FBRS: variants seen among roughly 807,000 people sequenced by gnomAD.
The protein encoded by FBRS is probable fibrosin-1.
A neutral mutation model predicts 86.1 loss-of-function variants in FBRS; 15 were observed. That is an observed-to-expected ratio of 0.17 (90% confidence interval 0.12 to 0.27). The LOEUF (loss-of-function observed/expected upper bound fraction) is 0.27. Ranked by LOEUF, FBRS falls within the 10% of genes least tolerant of loss-of-function variation. FBRS has a pLI of 1.00. For synonymous variants in FBRS, 666 were observed against 575.8 expected (o/e 1.16, Z -2.24); for missense variants, 1,367 against 1,301.6 (o/e 1.05, Z -0.77).
In FBRS at chr16:30,664,396, C is replaced by CGGG; in HGVS notation, c.1239_1240insGGG (p.Arg413_Pro414insGly). On this transcript the variant is annotated inframe_insertion, in exon 7 of 18. Coordinates refer to ENST00000356166, the MANE Select transcript of FBRS (RefSeq NM_001105079.3). ...CCACAGCTTTCCCCCTCCCGGGCTG[C>CGGG]GGCCCCCCCCACCACCCCACCACCC... 1.3e-5 allele frequency: 18 copies of CGGG among 1,430,942 alleles called. No homozygotes were observed. Among genetic ancestry groups the CGGG allele is most frequent in the Non-Finnish European group, 1.7e-5 (18 of 1,064,738 alleles). 88.6% of individuals were successfully genotyped at this position (1,430,942 alleles called of 1,614,324 possible).
chr16:30,669,542 A>G lies in FBRS; in HGVS notation c.2840A>G (p.Lys947Arg). The G allele has an allele frequency of 7.4e-6, 12 of 1,612,890 alleles. No homozygotes were observed. Among genetic ancestry groups the G allele is most frequent in the Non-Finnish European group, 1.0e-5 (12 of 1,179,786 alleles). The change falls in exon 18 of 18, where the codon AAG becomes AGG. Residue 947 changes from lysine (K) to arginine (R), a missense_variant. Physicochemically the swap from Lys to Arg is conservative, Grantham distance 26 (BLOSUM62 2). Coordinates refer to ENST00000356166, the MANE Select transcript of FBRS (RefSeq NM_001105079.3). The surrounding 1 kb of genome is among the most constrained non-coding windows in gnomAD (Gnocchi z 5.9). ...CCGGGAACCCCTCACCTTCTCAGCAAGACCCCACCGGGAGCCCTTTTGGGG... is the reference window on the plus strand; with the variant it reads ...CCGGGAACCCCTCACCTTCTCAGCAGGACCCCACCGGGAGCCCTTTTGGGG... ...AAPGTPHLLS[K>R]TPPGALLGAP... is the part of the protein sequence containing the mutation.
intron 12 of FBRS, 118 bp from the exon 13 acceptor site, chr16:30,666,801 A>G (rs2052527171): frequency 5.0e-6 from 6 of 1,208,988 alleles, no homozygotes; most frequent in Non-Finnish European, 1.2e-6. Context: ...CCTTGGTTGT[A>G]GGAATGATGA....
At position 30,669,626 on chromosome 16, in the gene FBRS, C is replaced by T. The variant is rs764496531; in HGVS notation, c.2924C>T (p.Pro975Leu). The T allele has an allele frequency of 5.6e-6, 9 of 1,601,946 alleles. No individual in the cohort carries two copies. The highest frequency in any genetic ancestry group is 7.7e-6 in the Non-Finnish European group (9 of 1,176,062). Residue 975 changes from proline to leucine, a missense_variant, in exon 18 of 18, where the codon CCA (proline) becomes CTA (leucine). By Grantham distance (98) the Pro-to-Leu change is moderately conservative (BLOSUM62 -3). Around this residue, in one of 3 missense-constraint regions of FBRS, gnomAD observed 659 missense variants for 678.8 expected, o/e 0.97. Transcript: ENST00000356166. The surrounding 1 kb of genome is among the most constrained non-coding windows in gnomAD (Gnocchi z 5.9). ...AGTTCCCCACCTAGGGGCCCTGGCC[C>T]AGCTCGGGCTGACAGGTGAGGGGAA... ...RPSSPPRGPG[P>L]ARADR is the part of the protein sequence containing the mutation.
rs574455309 is a variant in FBRS, at chr16:30,667,745, G to C, written c.2074+123G>C. On this transcript the variant is annotated intron_variant, in intron 15 of 17. Transcript: ENST00000356166. ...TGGTTCCACTTGCTTAGTGACCTTG[G>C]GCAGGTTACTCTACCCCCTCTGAGC... 9 of 845,764 alleles carry C rather than the reference G, an allele frequency of 1.1e-5. No individual in the cohort carries two copies. In the African/African-American group the frequency reaches 1.4e-4, roughly 13 times the overall value. The allele number at this position is 845,764 out of a possible 1,614,324, so 52.4% of individuals were successfully genotyped here.
Position 30,665,264 on chromosome 16 carries a change from C to T in FBRS, c.1609-42C>T, listed in dbSNP as rs145246548. The T allele has an allele frequency of 2.2e-5, 34 of 1,537,452 alleles. No homozygotes were observed. The highest frequency in any genetic ancestry group is 7.3e-5 in the East Asian group (3 of 40,958). ...TGACGGGCAGGCTGGACTTGGGCTG[C>T]GCCTCCACCCCCACCTGTACTAGTC... On this transcript the variant is annotated intron_variant, in intron 9 of 17. Transcript: ENST00000356166. This position sits in a 1 kb window ranked among gnomAD's most constrained non-coding sequence, Gnocchi z 4.1.
chr16:30,666,216 A>G (rs1001867562), intron 11 of FBRS: 3 of 573,344 alleles, frequency 5.2e-6, no homozygotes, highest in Non-Finnish European at 9.3e-6. Context: ...AGACCGCTAT[A>G]CTCTAAAGTT....
intron 6 of FBRS, 113 bp downstream of exon 6, chr16:30,662,972 A>C (rs1157005446): frequency 2.0e-5 from 27 of 1,324,750 alleles, no homozygotes; most frequent in Non-Finnish European, 2.5e-5. Flanking sequence ...GAGACTGAAA[A>C]GTTTGAGAAA....
At position 30,664,263 on chromosome 16, in the gene FBRS, TC is replaced by T; in HGVS notation, c.1110del (p.Ser371HisfsTer86). 4.5e-6 allele frequency: 5 copies of T among 1,105,060 alleles called. No homozygotes were observed. The highest frequency in any genetic ancestry group is 3.0e-5 in the South Asian group (1 of 33,570). The allele number at this position is 1,105,060 out of a possible 1,614,324, so 68.5% of individuals were successfully genotyped here. ...CCCCGGCCCCTCCCGTGGCTCAGCCTCCCCCCTCATCATCCTCTTCGTCCTC... is the reference window on the plus strand; with the variant it reads ...CCCCGGCCCCTCCCGTGGCTCAGCCTCCCCCTCATCATCCTCTTCGTCCTC... ...KAPAPPVAQPPPSSSSSSSSS... is the reference protein window; with the variant it reads ...KAPAPPVAQPXPSSSSSSSSS... On this transcript the variant is annotated frameshift_variant, in exon 7 of 18. Coordinates refer to ENST00000356166, the MANE Select transcript of FBRS (RefSeq NM_001105079.3). LOFTEE classifies it high-confidence loss of function.
At chr16:30,668,409 C>T (rs2052546703) in intron 15 of FBRS, 151 bp from the exon 16 acceptor site, 1 of 676,786 alleles carries the variant, frequency 1.5e-6, no homozygotes, top group African/African-American at 1.8e-5. Flanking sequence ...AAGCTCAACA[C>T]CTTCCTGGCC....
intron 3 of FBRS, 27 bp downstream of exon 3, chr16:30,661,242 C>G: frequency 6.4e-7 from 1 of 1,550,856 alleles, no homozygotes; most frequent in South Asian, 1.2e-5. Flanking sequence ...TGTCCTGGCC[C>G]CTCCCTGCTC....
chr16:30,665,341 G>A lies in FBRS; in HGVS notation c.1644G>A (p.Leu548=). 1.3e-6 allele frequency: 2 copies of A among 1,565,976 alleles called. No individual in the cohort carries two copies. Among genetic ancestry groups the A allele is most frequent in the Non-Finnish European group, 1.7e-6 (2 of 1,156,366 alleles). ...CCTTCCCTCCCGCAGTGCCCGGGCT[G>A]CCTCCGGGCCTCCCGCCGGCCGTCT... ...YTAFPPAVPG[L]PPGLPPAVSF... Residue 548 remains leucine (L), a synonymous_variant, in exon 10 of 18, where the codon CTG becomes CTA. Coordinates refer to ENST00000356166, the MANE Select transcript of FBRS (RefSeq NM_001105079.3). The surrounding 1 kb of genome is among the most constrained non-coding windows in gnomAD (Gnocchi z 4.1).
intron 12 of FBRS, 143 bp from the exon 13 acceptor site, chr16:30,666,776 A>G: frequency 8.9e-7 from 1 of 1,124,184 alleles, no homozygotes; most frequent in East Asian, 2.6e-5. Flanking sequence ...AGGCTGTAAA[A>G]TGAACCTAGT....
chr16:30,665,065 C>T lies in FBRS; in HGVS notation c.1594C>T (p.Leu532Phe). ...FEKYPGKMEG[L>F]FRHNPYTAFP... The stretch of plus-strand genomic sequence containing the variant: ...GAAATATCCAGGAAAGATGGAAGGC[C>T]TTTTCCGACATAATGTGAGTGTGTG... Residue 532 changes from leucine (L) to phenylalanine (F), a missense_variant, in exon 9 of 18, where the codon CTT (leucine) becomes TTT (phenylalanine). This residue lies in a region of FBRS where 659 missense variants were observed against 678.8 expected (regional missense o/e 0.97). Transcript: ENST00000356166. This position sits in a 1 kb window ranked among gnomAD's most constrained non-coding sequence, Gnocchi z 4.1. The T allele has an allele frequency of 6.2e-7, 1 of 1,613,556 alleles. No homozygotes were observed. The highest frequency in any genetic ancestry group is 8.5e-7 in the Non-Finnish European group (1 of 1,179,814).
At position 30,658,972 on chromosome 16, in the gene FBRS, G is replaced by A. The variant is rs1403253535; in HGVS notation, c.-547G>A. On this transcript the variant is annotated 5_prime_UTR_variant, in exon 1 of 18. Transcript: ENST00000356166. Reference sequence around the variant, plus strand: ...AAAGGGGAAGTGGCCGCTTGTGGAGGACTAGAAACTAACTCCGAGCCCTTA... The same window carrying A: ...AAAGGGGAAGTGGCCGCTTGTGGAGAACTAGAAACTAACTCCGAGCCCTTA... 6.6e-6 allele frequency: 1 copy of A among 152,194 alleles called. No homozygotes were observed. Among genetic ancestry groups the A allele is most frequent in the African/African-American group, 2.4e-5 (1 of 41,418 alleles). The allele number at this position is 152,194 out of a possible 1,614,324, so 9.4% of individuals were successfully genotyped here.
rs561229767 is a variant in FBRS at position 30,668,747 on chromosome 16, ACT to A, written c.2159-20_2159-19del. 893 of 1,589,580 alleles carry A rather than the reference ACT, an allele frequency of 5.6e-4. 5 individuals are homozygous for A. In the African/African-American group the frequency reaches 0.011, roughly 20 times the overall value. ...GGGCCTCCCACTTCTGGCCCCTGTC[ACT>A]CTCTGCTTCACCCTCTGCCCAGACT... On this transcript the variant is annotated intron_variant, in intron 16 of 17. Transcript: ENST00000356166.
In FBRS at chr16:30,667,454, C is replaced by G; in HGVS notation, c.1993+17C>G. On this transcript the variant is annotated intron_variant, in intron 14 of 17. Transcript: ENST00000356166. The stretch of plus-strand genomic sequence containing the variant: ...CTGCGACTGGTGAGTCTGGCCAGCC[C>G]CCTCGGGCCTGAGGTTCCCTGTCTA... 1 of 1,528,268 alleles carries G rather than the reference C, an allele frequency of 6.5e-7. No homozygotes were observed. The allele number at this position is 1,528,268 out of a possible 1,614,324, so 94.7% of individuals were successfully genotyped here.
rs1056475479 is a variant in FBRS at position 30,660,301 on chromosome 16, T to C, written c.498T>C (p.His166=). Residue 166 remains histidine, a synonymous_variant, in exon 2 of 18, where the codon CAT becomes CAC. Coordinates refer to ENST00000356166, the MANE Select transcript of FBRS (RefSeq NM_001105079.3). ...ASLQPPERLE[H]RLKHSGKRKR... is the part of the protein sequence containing the mutation. ...TTCAGCCCCCAGAGCGACTGGAACA[T>C]CGGCTGAAGCATTCTGGGAAGCGGA... 1 of 1,301,456 alleles carries C rather than the reference T, an allele frequency of 7.7e-7. No homozygotes were observed. Among genetic ancestry groups the C allele is most frequent in the Non-Finnish European group, 9.8e-7 (1 of 1,016,210 alleles). The allele number at this position is 1,301,456 out of a possible 1,614,324, so 80.6% of individuals were successfully genotyped here. A position where few individuals can be genotyped will look rare whatever the true frequency, so the allele number is the denominator to read the frequency against.
Position 30,668,902 on chromosome 16 carries a change from C to T in FBRS, c.2289C>T (p.Ala763=), listed in dbSNP as rs908504790. 1.6e-5 allele frequency: 26 copies of T among 1,586,256 alleles called. No homozygotes were observed. The highest frequency in any genetic ancestry group is 1.4e-4 in the East Asian group (6 of 43,804). ...CTGCCTGGGTCCGGCCCCCTGAGGC[C>T]GCCCGGACTCCAGGCTCAGACAAGG... ...TFPAWVRPPE[A]ARTPGSDKER... Residue 763 remains alanine (A), a synonymous_variant, in exon 17 of 18, where the codon GCC becomes GCT. Transcript: ENST00000356166.
At position 30,660,255 on chromosome 16, in the gene FBRS, C is replaced by T. The variant is rs77400102; in HGVS notation, c.460-8C>T. ...CCATCTATCTCAGCCCCACCTCCTCCTCCACAGAAGGATGCATCTCTTCAG... is the reference window on the plus strand; with the variant it reads ...CCATCTATCTCAGCCCCACCTCCTCTTCCACAGAAGGATGCATCTCTTCAG... On this transcript the variant is annotated splice_polypyrimidine_tract_variant and splice_region_variant and intron_variant, in intron 1 of 17. Transcript: ENST00000356166. 8,275 of 1,325,914 alleles carry T rather than the reference C, an allele frequency of 6.2e-3. 402 individuals carry two copies. In the African/African-American group the frequency reaches 0.11, roughly 18 times the overall value. 82.1% of individuals were successfully genotyped at this position (1,325,914 alleles called of 1,614,324 possible).
Sources: allele counts gnomAD v4.1 joint callset, GRCh38; gene constraint gnomAD v4.1.1; regional missense constraint gnomAD v4.1.1; non-coding constraint Gnocchi (gnomAD v3.1); transcripts MANE v1.5; gene names NCBI Gene and HGNC (gene_info 2026-07-23, HGNC 2026-07-21).